ASXL2: variants seen among roughly 807,000 people sequenced by gnomAD.
ASXL2 encodes ASXL transcriptional regulator 2, also known as putative Polycomb group protein ASXL2.
In ASXL2, 23 loss-of-function variants were observed where a neutral mutation model predicts 122.0. That is an observed-to-expected ratio of 0.19 (90% CI 0.14 to 0.27). The LOEUF is 0.27. Among genes scored for constraint, ASXL2 ranks in the 10% least tolerant of loss-of-function variants. The pLI is 1.00. For synonymous variants in ASXL2, 650 were observed against 637.0 expected (o/e 1.02, Z -0.31); for missense variants, 1,518 against 1,713.8 (o/e 0.89, Z 2.02).
Position 25,828,963 on chromosome 2 carries a change from T to C in ASXL2, c.143+6575A>G, listed in dbSNP as rs557260184. ...GATATGTAATTTTTCACTGATTTTA[T>C]GTGTTTATCTATGAGATAATGATCT... On this transcript the variant is annotated intron_variant, in intron 3 of 12. Coordinates refer to ENST00000435504, the MANE Select transcript of ASXL2 (RefSeq NM_018263.6). 3.3e-5 allele frequency among the ~76,000 whole-genome samples: 5 copies of C among 152,272 alleles called. No individual in the cohort carries two copies. In the South Asian group the frequency reaches 1.0e-3, roughly 32 times the overall value.
At chr2:25,786,787 G>A (rs1201738597) in intron 5 of ASXL2, among the ~76,000 whole-genome samples, 1 of 151,578 alleles carries the variant, frequency 6.6e-6, no homozygotes, top group Non-Finnish European at 1.5e-5. Context: ...CCCTGGAGGT[G>A]GAGGTTGCAG....
intron 5 of ASXL2, among the ~76,000 whole-genome samples, chr2:25,774,207 A>G (rs2149157747): frequency 6.6e-6 from 1 of 152,214 alleles, no homozygotes; most frequent in East Asian, 1.9e-4. Flanking sequence ...AGCCCCCATG[A>G]CATATAATTT....
intron 2 of ASXL2, among the ~76,000 whole-genome samples, chr2:25,840,743 C>A (rs2089570046): frequency 6.6e-6 from 1 of 152,118 alleles, no homozygotes. Flanking sequence ...TATGCATATA[C>A]CTTATTTTGT....
At chr2:25,819,419 G>A (rs1197913753) in intron 3 of ASXL2, among the ~76,000 whole-genome samples, 1 of 152,038 alleles carries the variant, frequency 6.6e-6, no homozygotes, top group Admixed American at 6.6e-5. Flanking sequence ...GGGGAAAAAT[G>A]GTATCTTTAC....
intron 10 of ASXL2, among the ~76,000 whole-genome samples, chr2:25,754,998 C>T (rs1250927117): frequency 6.6e-6 from 1 of 152,160 alleles, no homozygotes; most frequent in Non-Finnish European, 1.5e-5. Context: ...TTCACTTTAA[C>T]TGGTAGGGAT....
intron 12 of ASXL2, among the ~76,000 whole-genome samples, chr2:25,746,376 C>T (rs2149138782): frequency 6.6e-6 from 1 of 152,122 alleles, no homozygotes; most frequent in South Asian, 2.1e-4. Flanking sequence ...ATCTATTTCA[C>T]ATCCAATTCG....
At chr2:25,767,909 T>C (rs1186027661) in intron 7 of ASXL2, among the ~76,000 whole-genome samples, 183 bp from the exon 8 acceptor site, 1 of 152,242 alleles carries the variant, frequency 6.6e-6, no homozygotes, top group Non-Finnish European at 1.5e-5. Flanking sequence ...CCTCCCAGCA[T>C]ACTATTTGCT....
At chr2:25,834,347 T>C (rs1411824010) in intron 3 of ASXL2, among the ~76,000 whole-genome samples, 1 of 152,048 alleles carries the variant, frequency 6.6e-6, no homozygotes, top group African/African-American at 2.4e-5. Context: ...AGTGAGACTC[T>C]GTCTCCAAAA....
At chr2:25,832,571 CAAAA>C (rs371192944) in intron 3 of ASXL2, among the ~76,000 whole-genome samples, 1 of 140,940 alleles carries the variant, frequency 7.1e-6, no homozygotes, top group African/African-American at 2.6e-5. Context: ...CAGCATGGGC[CAAAA>C]AAAAAAAAAT....
chr2:25,869,807 C>A (rs1311220358), intron 1 of ASXL2, among the ~76,000 whole-genome samples: 1 of 150,642 alleles, frequency 6.6e-6, no homozygotes, highest in Admixed American at 6.7e-5. Flanking sequence ...CAGAGCAAGA[C>A]CCTGTTTCAA....
chr2:25,798,881 T>C (rs1463921834), intron 5 of ASXL2, among the ~76,000 whole-genome samples: 1 of 152,210 alleles, frequency 6.6e-6, no homozygotes, highest in East Asian at 1.9e-4. Flanking sequence ...TGAATACACA[T>C]CGTTATACAT....
At chr2:25,838,548 T>C (rs1367485771) in intron 2 of ASXL2, among the ~76,000 whole-genome samples, 1 of 152,150 alleles carries the variant, frequency 6.6e-6, no homozygotes, top group Non-Finnish European at 1.5e-5. Flanking sequence ...AGTAGCCATG[T>C]GAGCATATTT....
rs914921545 is a variant in ASXL2 at position 25,846,205 on chromosome 2, T to C, written c.58-642A>G. ...ACAGTAAAGAGGGCATTTCTAAAGG[T>C]TGGATAGAGGGAGAGAAAATTATCT... On this transcript the variant is annotated intron_variant, in intron 1 of 12. Coordinates refer to ENST00000435504, the MANE Select transcript of ASXL2 (RefSeq NM_018263.6). Among the ~76,000 whole-genome samples the C allele has an allele frequency of 6.6e-5, 10 of 152,322 alleles. No homozygotes were observed. The South Asian group carries it at 1.4e-3, about 22-fold the overall frequency.
intron 1 of ASXL2, among the ~76,000 whole-genome samples, chr2:25,875,620 T>C (rs1256510383): frequency 6.6e-6 from 1 of 152,196 alleles, no homozygotes; most frequent in African/African-American, 2.4e-5. Flanking sequence ...CTACATTTAA[T>C]GTGTTGAATA....
At chr2:25,801,057 G>A (rs2088990914) in intron 4 of ASXL2, among the ~76,000 whole-genome samples, 1 of 152,160 alleles carries the variant, frequency 6.6e-6, no homozygotes, top group South Asian at 2.1e-4. Flanking sequence ...CTCTGGAGCA[G>A]CTGGGACTAC....
intron 3 of ASXL2, among the ~76,000 whole-genome samples, chr2:25,817,541 T>C (rs2089252616): frequency 6.6e-6 from 1 of 152,216 alleles, no homozygotes; most frequent in Non-Finnish European, 1.5e-5. Context: ...CACTGATTAA[T>C]TTAATTTGGG....
chr2:25,852,759 A>G (rs1160886702), intron 1 of ASXL2, among the ~76,000 whole-genome samples: 2 of 152,204 alleles, frequency 1.3e-5, no homozygotes, highest in African/African-American at 2.4e-5. Flanking sequence ...GAAAAGACAA[A>G]AGTATTCTAA....
intron 4 of ASXL2, among the ~76,000 whole-genome samples, chr2:25,800,652 A>G (rs1481246209): frequency 6.6e-6 from 1 of 152,142 alleles, no homozygotes; most frequent in Non-Finnish European, 1.5e-5. Flanking sequence ...TTCCAAGACC[A>G]AAGACTAGAA....
chr2:25,771,160 T>C (rs1169239363), intron 6 of ASXL2, among the ~76,000 whole-genome samples: 1 of 152,132 alleles, frequency 6.6e-6, no homozygotes, highest in Non-Finnish European at 1.5e-5. Flanking sequence ...TGCTTGAACC[T>C]GGGAAGCAGA....
Sources: gnomAD v4.1 joint callset for allele counts (sites outside exome capture counted in the v4.1 genomes callset) on GRCh38, gnomAD v4.1.1 for gene constraint, MANE v1.5 for transcripts, NCBI Gene and HGNC (gene_info 2026-07-23, HGNC 2026-07-21) for gene names.